The following ZC3H12B variants were observed in gnomAD, a reference collection of about 807,000 sequenced individuals.
ZC3H12B encodes the protein probable ribonuclease ZC3H12B.
Under a neutral mutation model 43.9 loss-of-function variants are expected in ZC3H12B, and 7 were observed. The ratio of observed to expected loss-of-function variants is 0.16; its 90% confidence interval spans 0.09 to 0.30. The LOEUF is 0.30. ZC3H12B is among the 10% of genes least tolerant of loss of function. The pLI, the probability that ZC3H12B is intolerant of heterozygous loss-of-function variation, is 1.00. For missense variants in ZC3H12B, 475 were observed against 670.2 expected (o/e 0.71, Z 3.22); for synonymous variants, 222 against 241.7 (o/e 0.92, Z 0.76).
chrX:65,356,758 T>C, the ZC3H12B span: 1 of 166,923 alleles, frequency 6.0e-6, no homozygotes, highest in African/African-American at 3.0e-5. Context: ...TCAAGGCCTC[T>C]TTATGCTTCC....
chrX:65,224,692 G>A, the ZC3H12B span, among the ~76,000 whole-genome samples: 1 of 112,013 alleles, frequency 8.9e-6, no homozygotes, highest in South Asian at 3.7e-4. Context: ...TTTTCCGACG[G>A]GCTTAAAAAA....
intron 2 of ZC3H12B, among the ~76,000 whole-genome samples, chrX:65,386,106 C>CTT (rs1204089567): frequency 9.0e-6 from 1 of 111,727 alleles, no homozygotes; most frequent in African/African-American, 3.3e-5. Flanking sequence ...CTAAAATTCT[C>CTT]TTTTTTTGTT....
intron 2 of ZC3H12B, among the ~76,000 whole-genome samples, chrX:65,387,912 C>T (rs1391974936): frequency 8.9e-6 from 1 of 112,168 alleles, no homozygotes; most frequent in East Asian, 2.8e-4. Context: ...CTTAGTTTGG[C>T]TGGATATGAA....
chrX:65,442,522 G>C lies in ZC3H12B; in HGVS notation n.407+43818G>C, dbSNP rs187346628. Among the ~76,000 whole-genome samples the C allele has an allele frequency of 3.7e-4, 41 of 110,818 alleles. No individual in the cohort carries two copies. The East Asian group carries it at 0.011, about 28-fold the overall frequency. ...GTGCATCTAAACCAGCCCAGCCGTC[G>C]ACCCCCAAAAGCTGGTCTGCAGTTA... is the stretch of plus-strand genomic sequence containing the variant. On this transcript the variant is annotated intron_variant and non_coding_transcript_variant, in intron 3 of 5. Transcript: ENST00000617377.
the ZC3H12B span, among the ~76,000 whole-genome samples, chrX:65,346,368 C>G: frequency 9.0e-6 from 1 of 110,498 alleles, no homozygotes; most frequent in Non-Finnish European, 1.9e-5. Context: ...TAAAAGCAAG[C>G]AATGGGGAAA....
At chrX:65,437,765 A>G (rs747160281) in intron 3 of ZC3H12B, among the ~76,000 whole-genome samples, 5 of 111,140 alleles carry the variant, frequency 4.5e-5, no homozygotes, top group Non-Finnish European at 9.4e-5. Flanking sequence ...AACCCCATTC[A>G]TCCATTTTTG....
the ZC3H12B span, among the ~76,000 whole-genome samples, chrX:65,358,841 T>C: frequency 1.6e-3 from 179 of 111,842 alleles, no homozygotes; most frequent in Non-Finnish European, 2.9e-3. Context: ...ATTTTCAATG[T>C]AGACGAAACA....
At chrX:65,190,278 C>G in the ZC3H12B span, among the ~76,000 whole-genome samples, 30 of 110,183 alleles carry the variant, frequency 2.7e-4, no homozygotes, top group African/African-American at 9.6e-4. Context: ...CTTGGCAATG[C>G]GGGCTCTTTT....
At chrX:65,484,040 A>G (rs952743798), upstream of ZC3H12B, among the ~76,000 whole-genome samples, 19 of 112,262 alleles carry the variant, frequency 1.7e-4, no homozygotes, top group African/African-American at 6.1e-4. Context: ...GCTATTGTGA[A>G]TAGTGCTGCA....
intron 3 of ZC3H12B, among the ~76,000 whole-genome samples, chrX:65,439,881 T>C (rs1042414140): frequency 1.8e-5 from 2 of 110,135 alleles, no homozygotes; most frequent in Non-Finnish European, 3.8e-5. Flanking sequence ...CAACTGGGGA[T>C]CCTTCCGGAG....
the ZC3H12B span, among the ~76,000 whole-genome samples, chrX:65,188,406 C>A: frequency 4.1e-5 from 4 of 96,719 alleles, no homozygotes; most frequent in African/African-American, 7.7e-5. Flanking sequence ...TTATTCATAG[C>A]GGTTTTACTA....
chrX:65,209,857 C>G, the ZC3H12B span, among the ~76,000 whole-genome samples: 5 of 99,362 alleles, frequency 5.0e-5, no homozygotes, highest in Non-Finnish European at 9.8e-5. Context: ...GGAAAACTGG[C>G]TAGCCATATG....
the ZC3H12B span, among the ~76,000 whole-genome samples, chrX:65,039,169 TAC>T: frequency 1.8e-5 from 2 of 111,846 alleles, no homozygotes; most frequent in African/African-American, 6.5e-5. Flanking sequence ...AGCTGTCTCA[TAC>T]ACAGTTATTC....
chrX:65,340,423 C>T, the ZC3H12B span, among the ~76,000 whole-genome samples: 1 of 112,065 alleles, frequency 8.9e-6, no homozygotes, highest in Admixed American at 9.4e-5. Flanking sequence ...CTGCCACTAC[C>T]CTATGAAACA....
chrX:65,086,821 C>G, the ZC3H12B span, among the ~76,000 whole-genome samples: 1 of 111,832 alleles, frequency 8.9e-6, no homozygotes, highest in Non-Finnish European at 1.9e-5. Flanking sequence ...GCATCCCAAA[C>G]AGACTAAGAT....
At chrX:65,215,180 T>C in the ZC3H12B span, among the ~76,000 whole-genome samples, 2 of 112,016 alleles carry the variant, frequency 1.8e-5, no homozygotes, top group Non-Finnish European at 3.8e-5. Context: ...GCTTTTGGAA[T>C]GGTAAATGAG....
the ZC3H12B span, among the ~76,000 whole-genome samples, chrX:65,103,919 T>C: frequency 8.9e-6 from 1 of 111,871 alleles, no homozygotes; most frequent in Admixed American, 9.5e-5. Context: ...AAAAAACTAC[T>C]TTAAATTTCA....
intron 3 of ZC3H12B, among the ~76,000 whole-genome samples, chrX:65,407,807 C>T (rs1354974548): frequency 7.1e-5 from 8 of 113,332 alleles, no homozygotes; most frequent in Non-Finnish European, 1.1e-4. Context: ...TCCCCGAACG[C>T]CCGACGTCTC....
the ZC3H12B span, among the ~76,000 whole-genome samples, chrX:65,274,056 C>T: frequency 1.8e-5 from 2 of 111,999 alleles, no homozygotes; most frequent in African/African-American, 6.5e-5. Flanking sequence ...GGCAGAATGG[C>T]ATCACCCAGT....
Sources: allele counts gnomAD v4.1 joint callset (sites outside exome capture counted in the v4.1 genomes callset), GRCh38; gene constraint gnomAD v4.1.1; transcripts MANE v1.5; gene names NCBI Gene and HGNC (gene_info 2026-07-23, HGNC 2026-07-21).